RBFOX1: variants seen among roughly 807,000 people sequenced by gnomAD.
RBFOX1 encodes the protein RNA binding fox-1 homolog 1, also known as RNA binding protein fox-1 homolog 1.
In RBFOX1, 8 loss-of-function variants were observed where a neutral mutation model predicts 57.7. The observed-to-expected ratio is 0.14, with a 90% confidence interval of 0.08 to 0.25. RBFOX1 has a LOEUF of 0.25. RBFOX1 is among the 10% of genes least tolerant of loss of function. RBFOX1 has a pLI of 1.00. For synonymous variants in RBFOX1, 326 were observed against 222.4 expected (o/e 1.47, Z -4.15); for missense variants, 611 against 548.5 (o/e 1.11, Z -1.14).
intron 3 of RBFOX1, among the ~76,000 whole-genome samples, chr16:5,768,854 G>A (rs970424398): frequency 5.3e-5 from 8 of 152,034 alleles, no homozygotes; most frequent in Admixed American, 6.6e-5. Context: ...TCGACTACAC[G>A]GACCATCACT....
intron 4 of RBFOX1, among the ~76,000 whole-genome samples, chr16:7,139,052 C>T (rs772659517): frequency 5.3e-5 from 8 of 152,120 alleles, no homozygotes; most frequent in Admixed American, 1.3e-4. Flanking sequence ...GATCTGCCTT[C>T]CTTGCCCTCC....
At chr16:5,496,887 A>G (rs1836781160) in intron 2 of RBFOX1, among the ~76,000 whole-genome samples, 1 of 152,202 alleles carries the variant, frequency 6.6e-6, no homozygotes, top group Admixed American at 6.5e-5. Context: ...GGATTTTATC[A>G]TTTGCCACCA....
At chr16:5,646,214 A>G (rs1314532424) in intron 3 of RBFOX1, among the ~76,000 whole-genome samples, 5 of 135,888 alleles carry the variant, frequency 3.7e-5, no homozygotes, top group Admixed American at 7.8e-5. Flanking sequence ...TTTAGTGGAG[A>G]CAGGGTTTCA....
intron 4 of RBFOX1, among the ~76,000 whole-genome samples, chr16:7,482,166 G>T (rs1009987102): frequency 6.6e-6 from 1 of 152,184 alleles, no homozygotes; most frequent in Non-Finnish European, 1.5e-5. Context: ...CTATTCCATT[G>T]TGTTGCATGA....
At chr16:6,602,235 G>A (rs1213304711) in intron 2 of RBFOX1, among the ~76,000 whole-genome samples, 1 of 152,048 alleles carries the variant, frequency 6.6e-6, no homozygotes, top group African/African-American at 2.4e-5. Context: ...TGATAAGATA[G>A]ATGATTGGCA....
chr16:7,678,775 C>T (rs1479242823), intron 14 of RBFOX1, among the ~76,000 whole-genome samples: 21 of 152,280 alleles, frequency 1.4e-4, no homozygotes. Context: ...TAAATTTCTG[C>T]ATTTTGGAAC....
intron 3 of RBFOX1, among the ~76,000 whole-genome samples, chr16:6,886,837 G>T (rs574515595): frequency 6.6e-6 from 1 of 151,920 alleles, no homozygotes; most frequent in South Asian, 2.1e-4. Flanking sequence ...GTTTGCTTTA[G>T]AATCAGTGAA....
At chr16:5,480,006 C>G (rs1329959396) in intron 2 of RBFOX1, among the ~76,000 whole-genome samples, 1 of 152,076 alleles carries the variant, frequency 6.6e-6, no homozygotes, top group African/African-American at 2.4e-5. Flanking sequence ...TCCTCCTTGC[C>G]TACAGGCCTG....
At chr16:6,581,924 C>G (rs553261948) in intron 2 of RBFOX1, among the ~76,000 whole-genome samples, 15 of 152,270 alleles carry the variant, frequency 9.9e-5, no homozygotes, top group Non-Finnish European at 1.6e-4. Flanking sequence ...TCATATAAAC[C>G]AATCGTTATG....
At chr16:5,758,466 C>T (rs550825540) in intron 3 of RBFOX1, among the ~76,000 whole-genome samples, 15 of 152,246 alleles carry the variant, frequency 9.9e-5, no homozygotes, top group South Asian at 8.3e-4. Flanking sequence ...AACCCCAAAG[C>T]GCAGCACAGT....
At position 6,116,843 on chromosome 16, in the gene RBFOX1, A is replaced by G. The variant is rs553903180; in HGVS notation, c.-127+96851A>G. ...GAGATGAGATGAAATTGGGAGACAG[A>G]GGGAGAGAGAGGCTGGTGGCTGTAC... On this transcript the variant is annotated intron_variant, in intron 1 of 15. Coordinates refer to ENST00000550418, the MANE Select transcript of RBFOX1 (RefSeq NM_018723.4). Among the ~76,000 whole-genome samples, 16 of 152,210 alleles carry G rather than the reference A, an allele frequency of 1.1e-4. No homozygotes were observed. The South Asian group carries it at 3.3e-3, about 32-fold the overall frequency.
chr16:7,557,355 T>C (rs1464303715), intron 5 of RBFOX1, among the ~76,000 whole-genome samples: 1 of 151,956 alleles, frequency 6.6e-6, no homozygotes, highest in Non-Finnish European at 1.5e-5. Flanking sequence ...TGTGGTGGCT[T>C]TCACCTGTAA....
At chr16:5,788,340 C>G (rs2054578939) in intron 3 of RBFOX1, among the ~76,000 whole-genome samples, 1 of 152,144 alleles carries the variant, frequency 6.6e-6, no homozygotes, top group Non-Finnish European at 1.5e-5. Context: ...TTTGAAGGAA[C>G]ACTTGTGGCT....
chr16:6,455,453 G>A (rs886202604), intron 2 of RBFOX1, among the ~76,000 whole-genome samples: 1 of 152,126 alleles, frequency 6.6e-6, no homozygotes, highest in African/African-American at 2.4e-5. Context: ...AAGTCCCTTA[G>A]CCTCCCGTTG....
intron 2 of RBFOX1, among the ~76,000 whole-genome samples, chr16:6,644,432 C>G (rs1208056066): frequency 6.6e-6 from 1 of 152,190 alleles, no homozygotes. Context: ...AGAGCAAAAC[C>G]TTCTTCCTCA....
chr16:5,366,261 C>G (rs1310496479), intron 1 of RBFOX1: 3 of 397,562 alleles, frequency 7.5e-6, no homozygotes, highest in Admixed American at 3.1e-5. Context: ...AAAAGTAAAA[C>G]TTGCTGCCGA....
chr16:7,330,457 A>G (rs2096670975), intron 4 of RBFOX1, among the ~76,000 whole-genome samples: 3 of 122,040 alleles, frequency 2.5e-5, no homozygotes, highest in South Asian at 6.7e-4. Context: ...GTGGAACCCC[A>G]GAATATGGAG....
At chr16:7,426,306 A>G (rs1409011569) in intron 4 of RBFOX1, among the ~76,000 whole-genome samples, 1 of 152,166 alleles carries the variant, frequency 6.6e-6, no homozygotes, top group African/African-American at 2.4e-5. Context: ...CAATTTGCCT[A>G]TAGTTGCAGC....
At chr16:7,146,975 C>CTTTTT (rs1187614171) in intron 4 of RBFOX1, among the ~76,000 whole-genome samples, 1 of 25,754 alleles carries the variant, frequency 3.9e-5, no homozygotes, top group African/African-American at 2.1e-4. Context: ...AGAACAACGA[C>CTTTTT]TTTTTTTTTT....
Sources: gnomAD v4.1 joint callset for allele counts (sites outside exome capture counted in the v4.1 genomes callset) on GRCh38, gnomAD v4.1.1 for gene constraint, MANE v1.5 for transcripts, NCBI Gene and HGNC (gene_info 2026-07-23, HGNC 2026-07-21) for gene names.